The following PAPPA2 variants were observed in gnomAD, a reference collection of about 807,000 sequenced individuals.
PAPPA2 encodes pappalysin-2.
PAPPA2 carries 86 observed loss-of-function variants against 176.4 expected under a neutral mutation model. That is an observed-to-expected ratio of 0.49 (90% CI 0.41 to 0.58). The LOEUF (loss-of-function observed/expected upper bound fraction) is 0.58, where lower values mean the gene tolerates loss of function less well. Among genes scored for constraint, PAPPA2 ranks in the 20% least tolerant of loss-of-function variants. PAPPA2 has a pLI of 0.00. For missense variants in PAPPA2, 2,073 were observed against 2,256.9 expected (o/e 0.92, Z 1.65); for synonymous variants, 809 against 852.2 (o/e 0.95, Z 0.88).
chr1:176,737,069 A>AT (rs540491298), intron 12 of PAPPA2, among the ~76,000 whole-genome samples: 89 of 149,822 alleles, frequency 5.9e-4, no homozygotes, highest in Non-Finnish European at 7.3e-4. Context: ...AAATACACTA[A>AT]TTTTTTTTTT....
chr1:176,545,186 C>T (rs1239298295), intron 1 of PAPPA2, among the ~76,000 whole-genome samples: 1 of 152,082 alleles, frequency 6.6e-6, no homozygotes, highest in Non-Finnish European at 1.5e-5. Flanking sequence ...AATCAGTCCC[C>T]AGTCTTAGGG....
intron 14 of PAPPA2, among the ~76,000 whole-genome samples, chr1:176,756,004 C>T (rs1274953416): frequency 5.9e-5 from 9 of 151,980 alleles, no homozygotes; most frequent in Non-Finnish European, 1.2e-4. Flanking sequence ...TCTTGTTGCC[C>T]AGGTTGGAGT....
At chr1:176,612,181 A>G (rs750789623) in intron 3 of PAPPA2, among the ~76,000 whole-genome samples, 2 of 152,016 alleles carry the variant, frequency 1.3e-5, no homozygotes, top group Non-Finnish European at 2.9e-5. Context: ...ATCACATGAG[A>G]CCAGGCGTTT....
chr1:176,542,421 A>G (rs1003597132), intron 1 of PAPPA2, among the ~76,000 whole-genome samples: 1 of 152,228 alleles, frequency 6.6e-6, no homozygotes, highest in Non-Finnish European at 1.5e-5. Flanking sequence ...AGTAATGCTA[A>G]TGTTTATCAA....
chr1:176,519,056 G>A (rs558993302), intron 1 of PAPPA2, among the ~76,000 whole-genome samples: 4 of 152,274 alleles, frequency 2.6e-5, no homozygotes, highest in African/African-American at 9.6e-5. Flanking sequence ...GTAACATGGA[G>A]GAAAATGAGG....
At chr1:176,594,482 T>C (rs746052304) in intron 2 of PAPPA2, 42 bp from the exon 3 acceptor site, 1 of 1,511,882 alleles carries the variant, frequency 6.6e-7, no homozygotes, top group East Asian at 2.3e-5. Flanking sequence ...CCCCTTTGTA[T>C]CTGGTATCTG....
At chr1:176,703,118 A>G (rs1474221043) in intron 9 of PAPPA2, among the ~76,000 whole-genome samples, 1 of 152,176 alleles carries the variant, frequency 6.6e-6, no homozygotes, top group Non-Finnish European at 1.5e-5. Flanking sequence ...TCATCAAATG[A>G]TGCTGAAAGA....
At position 176,699,259 on chromosome 1, in the gene PAPPA2, G is replaced by A; in HGVS notation, c.2906G>A (p.Trp969Ter). The change falls in exon 8 of 23, where the codon TGG becomes TAG. Residue 969 changes from tryptophan (W) to a stop codon, truncating the protein, a stop_gained. Coordinates refer to ENST00000367662, the MANE Select transcript of PAPPA2 (RefSeq NM_020318.3). LOFTEE classifies it high-confidence loss of function. Reference sequence around the variant, plus strand: ...GTCCAAGCCGACACCCTCACCCTGTGGGTCACTTCCTTCTTCATGGAGTCC... The same window carrying A: ...GTCCAAGCCGACACCCTCACCCTGTAGGTCACTTCCTTCTTCATGGAGTCC... Reference protein sequence around the residue: ...HPVQADTLTLWVTSFFMESSQ... With the variant: ...HPVQADTLTL The A allele has an allele frequency of 1.2e-6, 2 of 1,614,100 alleles. No individual in the cohort carries two copies. Among genetic ancestry groups the A allele is most frequent in the Non-Finnish European group, 1.7e-6 (2 of 1,180,012 alleles).
chr1:176,668,110 C>T (rs886313492), intron 3 of PAPPA2, among the ~76,000 whole-genome samples: 5 of 152,120 alleles, frequency 3.3e-5, no homozygotes, highest in African/African-American at 1.2e-4. Flanking sequence ...GTGTACTCTC[C>T]ACGGGGCATG....
intron 12 of PAPPA2, among the ~76,000 whole-genome samples, chr1:176,713,987 A>G (rs1168153549): frequency 1.3e-5 from 2 of 152,158 alleles, no homozygotes; most frequent in African/African-American, 4.8e-5. Context: ...TTAATTAGCT[A>G]TAAGTCTTTT....
intron 12 of PAPPA2, among the ~76,000 whole-genome samples, chr1:176,716,722 C>T (rs1340610597): frequency 6.6e-6 from 1 of 151,092 alleles, no homozygotes; most frequent in African/African-American, 2.4e-5. Flanking sequence ...CGCCATTCTC[C>T]TGCCTCAGCC....
intron 1 of PAPPA2, among the ~76,000 whole-genome samples, chr1:176,511,091 A>G (rs1648572398): frequency 6.6e-6 from 1 of 152,186 alleles, no homozygotes; most frequent in Admixed American, 6.6e-5. Flanking sequence ...GATTAAAAAA[A>G]AGAAATAATC....
At chr1:176,727,475 A>G (rs542577448) in intron 12 of PAPPA2, among the ~76,000 whole-genome samples, 1 of 152,252 alleles carries the variant, frequency 6.6e-6, no homozygotes, top group East Asian at 1.9e-4. Context: ...AGCATATTTC[A>G]TAATGATAAA....
At chr1:176,561,344 G>A (rs1651659365) in intron 2 of PAPPA2, among the ~76,000 whole-genome samples, 1 of 152,174 alleles carries the variant, frequency 6.6e-6, no homozygotes, top group Non-Finnish European at 1.5e-5. Context: ...TGGCCACTGT[G>A]TTTACTCATG....
Position 176,692,295 on chromosome 1 carries a change from T to C in PAPPA2, c.2601T>C (p.Pro867=), listed in dbSNP as rs761125302. 1 of 1,613,454 alleles carries C rather than the reference T, an allele frequency of 6.2e-7. No homozygotes were observed. Among genetic ancestry groups the C allele is most frequent in the Admixed American group, 1.7e-5 (1 of 59,986 alleles). The part of the protein sequence containing the change: ...NKSLTIHWLP[P]ISGVVYDRAS... ...CCCTCACTATCCACTGGCTGCCTCC[T>C]ATTAGTGGAGTTGTATATGACAGGT... The change falls in exon 6 of 23, where the codon CCT becomes CCC. Residue 867 remains proline, a synonymous_variant. Coordinates refer to ENST00000367662, the MANE Select transcript of PAPPA2 (RefSeq NM_020318.3).
intron 8 of PAPPA2, among the ~76,000 whole-genome samples, chr1:176,700,204 C>G (rs1383292560): frequency 2.0e-5 from 3 of 152,180 alleles, no homozygotes; most frequent in Non-Finnish European, 4.4e-5. Flanking sequence ...CCTGGCACTG[C>G]ATGTTCAGTG....
chr1:176,787,096 T>G (rs1664970446), intron 17 of PAPPA2, among the ~76,000 whole-genome samples: 1 of 152,130 alleles, frequency 6.6e-6, no homozygotes, highest in African/African-American at 2.4e-5. Flanking sequence ...AAAAAAAAAG[T>G]GCTGTTTGGA....
At position 176,845,398 on chromosome 1, in the gene PAPPA2, C is replaced by CT; in HGVS notation, c.*2950dup. On this transcript the variant is annotated 3_prime_UTR_variant, in exon 23 of 23. Transcript: ENST00000367662. ...GAGCTCTTCCTGATTCTCATCTTCT[C>CT]TTTTTTCTATTACAAGGCATTGAAC... is the stretch of plus-strand genomic sequence containing the variant. The CT allele has an allele frequency of 6.6e-6, 1 of 152,178 alleles. No individual in the cohort carries two copies. The highest frequency in any genetic ancestry group is 1.9e-4 in the East Asian group (1 of 5,194). The allele number at this position is 152,178 out of a possible 1,614,324, so 9.4% of individuals were successfully genotyped here. A position where few individuals can be genotyped will look rare whatever the true frequency, so the allele number is the denominator to read the frequency against.
intron 3 of PAPPA2, among the ~76,000 whole-genome samples, chr1:176,614,331 G>C (rs1655092158): frequency 6.6e-6 from 1 of 152,160 alleles, no homozygotes; most frequent in Non-Finnish European, 1.5e-5. Flanking sequence ...CATTTTCCTA[G>C]AGATATTGAA....
Sources: allele counts gnomAD v4.1 joint callset (sites outside exome capture counted in the v4.1 genomes callset), GRCh38; gene constraint gnomAD v4.1.1; transcripts MANE v1.5; gene names NCBI Gene and HGNC (gene_info 2026-07-23, HGNC 2026-07-21).